Variants in RALYL observed in about 807,000 individuals in gnomAD.
The protein encoded by RALYL is RALY RNA binding protein like.
Under a neutral mutation model 35.1 loss-of-function variants are expected in RALYL, and 29 were observed. The ratio of observed to expected loss-of-function variants is 0.83; its 90% CI spans 0.61 to 1.13. The LOEUF (loss-of-function observed/expected upper bound fraction) is 1.13, where lower values mean the gene tolerates loss of function less well. Among genes scored for constraint, RALYL ranks in the 50% most tolerant of loss-of-function variants. The pLI, the probability that RALYL is intolerant of heterozygous loss-of-function variation, is 0.00. For missense variants in RALYL, 359 were observed against 360.4 expected, an observed-to-expected ratio of 1.00 and a Z score of 0.03; for synonymous variants, 120 against 127.6, an observed-to-expected ratio of 0.94 and a Z score of 0.40.
rs1587162358 is a variant in RALYL at position 84,910,110 on chromosome 8, T to C, written c.859-10784T>C. On this transcript the variant is annotated intron_variant, in intron 8 of 8. Transcript: ENST00000521268. ...CATCCAGGGTATGCCAGTTATAACA[T>C]GCCCCCTTAGCACACCTACACAATG... Among the ~76,000 whole-genome samples the C allele has an allele frequency of 2.0e-5, 3 of 152,092 alleles. No homozygotes were observed. In the South Asian group the frequency reaches 6.2e-4, roughly 31 times the overall value.
intron 3 of RALYL, among the ~76,000 whole-genome samples, chr8:84,783,847 T>C (rs1818757528): frequency 6.6e-6 from 1 of 152,160 alleles, no homozygotes; most frequent in Admixed American, 6.5e-5. Context: ...AAGCCACCTG[T>C]TTTTAATTTG....
intron 2 of RALYL, among the ~76,000 whole-genome samples, chr8:84,578,366 T>A (rs969112273): frequency 2.6e-5 from 4 of 152,164 alleles, no homozygotes; most frequent in Non-Finnish European, 5.9e-5. Context: ...GGCTCAGGGA[T>A]CACCTAGGTC....
intron 4 of RALYL, among the ~76,000 whole-genome samples, chr8:84,825,601 C>T (rs1299723751): frequency 6.6e-6 from 1 of 152,180 alleles, no homozygotes; most frequent in Non-Finnish European, 1.5e-5. Flanking sequence ...GGTGCAGTGG[C>T]TCACACCCAT....
rs368756593 is a variant in RALYL at position 84,783,134 on chromosome 8, T to A, written c.332+8480T>A. On this transcript the variant is annotated intron_variant, in intron 3 of 8. Transcript: ENST00000521268. The stretch of plus-strand genomic sequence containing the variant: ...TCCTTCCATATTACTGTATGGAGGG[T>A]AGCATGAAAGAAATTGAAATGTCTC... Among the ~76,000 whole-genome samples the A allele has an allele frequency of 2.7e-4, 41 of 152,280 alleles. No individual in the cohort carries two copies. The South Asian group carries it at 4.6e-3, about 17-fold the overall frequency.
chr8:84,346,224 C>A (rs1423157938), intron 1 of RALYL: 1 of 235,148 alleles, frequency 4.3e-6, no homozygotes, highest in Non-Finnish European at 6.9e-6. Context: ...AATTGATAAC[C>A]AACATCTGAC....
chr8:84,771,184 T>C (rs747628959), intron 2 of RALYL, among the ~76,000 whole-genome samples: 7 of 152,180 alleles, frequency 4.6e-5, no homozygotes, highest in Non-Finnish European at 8.8e-5. Flanking sequence ...AGGTTATCAA[T>C]ATTTCAATAT....
At chr8:84,732,683 T>TATATATATATATATATATACACACACAC in intron 2 of RALYL, among the ~76,000 whole-genome samples, 5,108 of 131,332 alleles carry the variant, frequency 0.039, 131 homozygotes, top group Non-Finnish European at 0.05. Flanking sequence ...TATATATATA[T>TATATATATATATATATATACACACACAC]ACACACACAC....
chr8:84,560,152 G>C (rs899048682), intron 2 of RALYL, among the ~76,000 whole-genome samples: 1 of 151,886 alleles, frequency 6.6e-6, no homozygotes, highest in Admixed American at 6.6e-5. Context: ...CTGCGAGCTA[G>C]ACTTTCATTC....
chr8:84,384,051 T>C (rs1858608650), intron 1 of RALYL, among the ~76,000 whole-genome samples: 1 of 151,824 alleles, frequency 6.6e-6, no homozygotes, highest in Non-Finnish European at 1.5e-5. Context: ...GCCTCTTTAA[T>C]TGCCTACTTT....
chr8:84,220,870 A>T (rs1822037698), intron 1 of RALYL, among the ~76,000 whole-genome samples: 1 of 151,916 alleles, frequency 6.6e-6, no homozygotes, highest in Admixed American at 6.6e-5. Flanking sequence ...ATATATATTT[A>T]CTTTATTAAT....
chr8:84,641,569 A>AG (rs1826334262), intron 2 of RALYL, among the ~76,000 whole-genome samples: 1 of 151,834 alleles, frequency 6.6e-6, no homozygotes, highest in Admixed American at 6.6e-5. Flanking sequence ...CATGTACTCA[A>AG]TTTTTCCATT....
At chr8:84,364,377 C>A (rs1220998607) in intron 1 of RALYL, among the ~76,000 whole-genome samples, 1 of 152,058 alleles carries the variant, frequency 6.6e-6, no homozygotes, top group Admixed American at 6.6e-5. Flanking sequence ...TTGACAATAA[C>A]CCTCTGATAG....
intron 4 of RALYL, among the ~76,000 whole-genome samples, chr8:84,823,651 T>G (rs1828984274): frequency 6.6e-6 from 1 of 152,058 alleles, no homozygotes; most frequent in Admixed American, 6.6e-5. Flanking sequence ...CTTCTTCTCT[T>G]ACTTTCTCTC....
intron 2 of RALYL, among the ~76,000 whole-genome samples, chr8:84,648,067 T>C (rs1027678833): frequency 1.5e-4 from 23 of 152,062 alleles, no homozygotes; most frequent in Non-Finnish European, 3.1e-4. Context: ...GAATATTGTG[T>C]TAGGGACTCT....
At chr8:84,233,266 C>T (rs1281183671) in intron 1 of RALYL, among the ~76,000 whole-genome samples, 6 of 152,072 alleles carry the variant, frequency 3.9e-5, no homozygotes, top group African/African-American at 1.2e-4. Flanking sequence ...ATTACAGAGT[C>T]GCATTCATCC....
intron 2 of RALYL, among the ~76,000 whole-genome samples, chr8:84,718,286 T>A (rs1448522621): frequency 6.6e-6 from 1 of 152,122 alleles, no homozygotes; most frequent in Non-Finnish European, 1.5e-5. Flanking sequence ...TATCTAGAGG[T>A]CATTTCAGTT....
At chr8:84,805,937 G>GA (rs960253164) in intron 4 of RALYL, among the ~76,000 whole-genome samples, 31 of 152,110 alleles carry the variant, frequency 2.0e-4, no homozygotes, top group African/African-American at 6.5e-4. Context: ...TTTGATGAGG[G>GA]AAAAAAAGCT....
intron 1 of RALYL, among the ~76,000 whole-genome samples, chr8:84,224,879 A>G (rs920134574): frequency 6.6e-6 from 1 of 152,202 alleles, no homozygotes; most frequent in Admixed American, 6.5e-5. Flanking sequence ...CTGGTCTCGA[A>G]CTTCTGACCT....
intron 1 of RALYL, among the ~76,000 whole-genome samples, chr8:84,523,746 G>A (rs1359343928): frequency 2.1e-5 from 3 of 143,874 alleles, no homozygotes; most frequent in South Asian, 4.4e-4. Context: ...ATTCCCACCT[G>A]TGAGTTAGAA....
Sources: gnomAD v4.1 joint callset for allele counts (sites outside exome capture counted in the v4.1 genomes callset) on GRCh38, gnomAD v4.1.1 for gene constraint, MANE v1.5 for transcripts, NCBI Gene and HGNC (gene_info 2026-07-23, HGNC 2026-07-21) for gene names.